Variants in KCNN3 observed in about 807,000 individuals in gnomAD.
KCNN3 encodes the protein small conductance calcium-activated potassium channel protein 3.
KCNN3 carries 16 observed loss-of-function variants against 62.9 expected under a neutral mutation model. The ratio of observed to expected loss-of-function variants is 0.25; its 90% confidence interval spans 0.17 to 0.39. The LOEUF is 0.39. KCNN3 is among the 10% of genes least tolerant of loss of function. The pLI, the probability that KCNN3 is intolerant of heterozygous loss-of-function variation, is 1.00. For synonymous variants in KCNN3, 370 were observed against 389.2 expected (o/e 0.95, Z 0.58); for missense variants, 599 against 949.4 (o/e 0.63, Z 4.85).
At position 154,707,714 on chromosome 1, in the gene KCNN3, G is replaced by T; in HGVS notation, c.*262C>A. 1 of 448,158 alleles carries T rather than the reference G, an allele frequency of 2.2e-6. No individual in the cohort carries two copies. The highest frequency in any genetic ancestry group is 3.3e-5 in the South Asian group (1 of 30,624). 27.8% of individuals were successfully genotyped at this position (448,158 alleles called of 1,614,324 possible). A position where few individuals can be genotyped will look rare whatever the true frequency, so the allele number is the denominator to read the frequency against. ...TGGATTTCTGTTCTCCACCAACTCTGCAGCAAGGGCCCTGCCAGAGGCGTC... is the reference window on the plus strand; with the variant it reads ...TGGATTTCTGTTCTCCACCAACTCTTCAGCAAGGGCCCTGCCAGAGGCGTC... On this transcript the variant is annotated 3_prime_UTR_variant, in exon 8 of 8. Coordinates refer to ENST00000271915, the MANE Select transcript of KCNN3 (RefSeq NM_002249.6).
intron 1 of KCNN3, among the ~76,000 whole-genome samples, chr1:154,824,465 C>T (rs749856450): frequency 5.3e-5 from 8 of 152,210 alleles, no homozygotes; most frequent in Non-Finnish European, 1.0e-4. Flanking sequence ...CCACAAGACC[C>T]AGATGGGGCT....
At position 154,708,052 on chromosome 1, in the gene KCNN3, G is replaced by A. The variant is rs1268293186; in HGVS notation, c.2120C>T (p.Thr707Ile). The A allele has an allele frequency of 6.2e-7, 1 of 1,613,494 alleles. No homozygotes were observed. ...GVSVAVGTTHTPISDSPIGVS... is the reference protein window; with the variant it reads ...GVSVAVGTTHIPISDSPIGVS... ...CCCAATGGGGCTATCGGAGATTGGG[G>A]TGTGGGTGGTGCCCACTGCCACGCT... is the stretch of plus-strand genomic sequence containing the variant. The change falls in exon 8 of 8, where the codon ACC becomes ATC. Residue 707 changes from threonine (T) to isoleucine (I), a missense_variant. By Grantham distance (89) the Thr-to-Ile change is moderately conservative. This residue lies in a region of KCNN3 where 52 missense variants were observed against 53.3 expected (regional missense o/e 0.98). Coordinates refer to ENST00000271915, the MANE Select transcript of KCNN3 (RefSeq NM_002249.6).
chr1:154,753,716 A>G (rs936923725), intron 3 of KCNN3, among the ~76,000 whole-genome samples: 1 of 152,206 alleles, frequency 6.6e-6, no homozygotes, highest in Non-Finnish European at 1.5e-5. Flanking sequence ...GGTCGTGGTG[A>G]AAAACAGAAG....
At chr1:154,789,341 C>T in intron 2 of KCNN3, among the ~76,000 whole-genome samples, 1 of 152,174 alleles carries the variant, frequency 6.6e-6, no homozygotes, top group Non-Finnish European at 1.5e-5. Flanking sequence ...CAAGATCCTT[C>T]ATTTAACCAC....
intron 1 of KCNN3, among the ~76,000 whole-genome samples, chr1:154,865,050 T>C (rs1571350278): frequency 6.6e-6 from 1 of 151,958 alleles, no homozygotes; most frequent in Non-Finnish European, 1.5e-5. Flanking sequence ...ACCAACATGA[T>C]GGCAGGGTCA....
At chr1:154,715,737 G>A (rs1013136898) in intron 5 of KCNN3, among the ~76,000 whole-genome samples, 1 of 152,164 alleles carries the variant, frequency 6.6e-6, no homozygotes, top group Non-Finnish European at 1.5e-5. Context: ...AAAATAGCTA[G>A]CGATATACCA....
rs1650923758 is a variant in KCNN3 at position 154,822,107 on chromosome 1, G to A, written c.1011C>T (p.Tyr337=). 1 of 1,613,858 alleles carries A rather than the reference G, an allele frequency of 6.2e-7. No individual in the cohort carries two copies. Among genetic ancestry groups the A allele is most frequent in the Non-Finnish European group, 8.5e-7 (1 of 1,179,714 alleles). ...CACCTACCTGGACTTCACGTGTGTG[G>A]TAGGCGATGATCAAGCCCAAAAGGA... ...TIILLGLIIA[Y]HTREVQLFVI... is the part of the protein sequence containing the mutation. Residue 337 remains tyrosine, a synonymous_variant, in exon 2 of 8, where the codon TAC becomes TAT. Coordinates refer to ENST00000271915, the MANE Select transcript of KCNN3 (RefSeq NM_002249.6).
rs181805839 is a variant in KCNN3 at position 154,797,015 on chromosome 1, C to T, written c.1030-24622G>A. On this transcript the variant is annotated intron_variant, in intron 2 of 7. Transcript: ENST00000271915. The stretch of plus-strand genomic sequence containing the variant: ...TCTGCTTGGCTTCATCAGCAGCCTG[C>T]GACAACTAGTGGCCTACAAAAAGCT... Among the ~76,000 whole-genome samples the T allele has an allele frequency of 3.1e-3, 465 of 152,282 alleles. 2 individuals are homozygous for T. The highest frequency in any genetic ancestry group is 0.01 in the African/African-American group (429 of 41,546).
At chr1:154,804,612 G>C (rs1348972465) in intron 2 of KCNN3, among the ~76,000 whole-genome samples, 2 of 151,926 alleles carry the variant, frequency 1.3e-5, no homozygotes, top group Non-Finnish European at 2.9e-5. Context: ...CACTGAGTAG[G>C]GAATCGGTAT....
At chr1:154,805,895 C>T (rs75457631) in intron 2 of KCNN3, among the ~76,000 whole-genome samples, 2 of 152,152 alleles carry the variant, frequency 1.3e-5, no homozygotes. Flanking sequence ...AGAATTAAGG[C>T]CGCTAATCAG....
At chr1:154,825,658 G>A (rs1241556990) in intron 1 of KCNN3, among the ~76,000 whole-genome samples, 2 of 150,924 alleles carry the variant, frequency 1.3e-5, no homozygotes, top group African/African-American at 2.4e-5. Context: ...GTGAGCCACC[G>A]CGCCCAGCTG....
At chr1:154,780,199 T>C (rs991479520) in intron 2 of KCNN3, among the ~76,000 whole-genome samples, 1 of 61,750 alleles carries the variant, frequency 1.6e-5, no homozygotes, top group Admixed American at 1.5e-4. Context: ...TTTTTCTTTT[T>C]TTTTTTTTTT....
chr1:154,737,155 A>C, intron 3 of KCNN3: 1 of 439,100 alleles, frequency 2.3e-6, no homozygotes, highest in South Asian at 1.8e-5. Flanking sequence ...CGGTTTACAC[A>C]TGTCACAAAC....
At chr1:154,782,121 G>C (rs1206567940) in intron 2 of KCNN3, among the ~76,000 whole-genome samples, 1 of 152,064 alleles carries the variant, frequency 6.6e-6, no homozygotes, top group Non-Finnish European at 1.5e-5. Flanking sequence ...AAGAAGTGAG[G>C]GATGATACCA....
At chr1:154,760,882 G>A (rs1235629054) in intron 3 of KCNN3, among the ~76,000 whole-genome samples, 1 of 152,260 alleles carries the variant, frequency 6.6e-6, no homozygotes, top group East Asian at 1.9e-4. Flanking sequence ...GCCCCGCAAA[G>A]GCGCCCCGCG....
At chr1:154,836,207 G>A (rs186996960) in intron 1 of KCNN3, among the ~76,000 whole-genome samples, 5 of 152,264 alleles carry the variant, frequency 3.3e-5, no homozygotes, top group Admixed American at 1.3e-4. Flanking sequence ...TTGAGCAGCC[G>A]GAAGAGCAGC....
At chr1:154,731,942 G>A (rs1325493584) in intron 4 of KCNN3, among the ~76,000 whole-genome samples, 3 of 152,146 alleles carry the variant, frequency 2.0e-5, no homozygotes, top group Non-Finnish European at 2.9e-5. Flanking sequence ...ATTCCAGGAC[G>A]AAGGCCAAAG....
chr1:154,831,182 G>T (rs2101902484), intron 1 of KCNN3, among the ~76,000 whole-genome samples: 1 of 152,330 alleles, frequency 6.6e-6, no homozygotes, highest in Middle Eastern at 3.4e-3. Context: ...GTAGCCAAAA[G>T]CTGGCCCACC....
At chr1:154,820,065 A>G (rs1041673288) in intron 2 of KCNN3, among the ~76,000 whole-genome samples, 2 of 152,214 alleles carry the variant, frequency 1.3e-5, no homozygotes, top group African/African-American at 4.8e-5. Flanking sequence ...ATGACCCCCA[A>G]TAGCATCATC....
Sources: allele counts gnomAD v4.1 joint callset (sites outside exome capture counted in the v4.1 genomes callset), GRCh38; gene constraint gnomAD v4.1.1; regional missense constraint gnomAD v4.1.1; transcripts MANE v1.5; gene names NCBI Gene and HGNC (gene_info 2026-07-23, HGNC 2026-07-21).